The following PALD1 variants were observed in gnomAD, a reference collection of about 807,000 sequenced individuals.
The protein encoded by PALD1 is phosphatase domain containing paladin 1, also known as paladin.
In PALD1, 57 loss-of-function variants were observed where a neutral mutation model predicts 96.0. The observed-to-expected ratio is 0.59, with a 90% CI of 0.48 to 0.74. PALD1 has a LOEUF of 0.74. Ranked by LOEUF, PALD1 falls within the 30% of genes least tolerant of loss-of-function variation. The pLI, the probability that PALD1 is intolerant of heterozygous loss-of-function variation, is 0.00. For synonymous variants in PALD1, 464 were observed against 473.6 expected (o/e 0.98, Z 0.26); for missense variants, 1,063 against 1,143.7 (o/e 0.93, Z 1.02).
chr10:70,562,781 C>T (rs1474762688), intron 18 of PALD1, among the ~76,000 whole-genome samples: 1 of 151,684 alleles, frequency 6.6e-6, no homozygotes, highest in African/African-American at 2.4e-5. Context: ...GGGTGGGTGA[C>T]ATGTCTGTGA....
the PALD1 span, among the ~76,000 whole-genome samples, chr10:70,460,166 T>C: frequency 6.6e-6 from 1 of 152,124 alleles, no homozygotes; most frequent in Non-Finnish European, 1.5e-5. Context: ...CCTCTTTGTC[T>C]TCTGAGCCTC....
intron 1 of PALD1, among the ~76,000 whole-genome samples, chr10:70,508,784 C>CGTGTGAGTGTGT (rs1846447174): frequency 1.0e-5 from 1 of 100,034 alleles, no homozygotes; most frequent in Non-Finnish European, 2.1e-5. Context: ...CTCTGTATGG[C>CGTGTGAGTGTGT]GTGTGTGTGT....
chr10:70,542,174 C>T (rs1174909222), intron 17 of PALD1, among the ~76,000 whole-genome samples: 2 of 152,256 alleles, frequency 1.3e-5, no homozygotes, highest in Non-Finnish European at 2.9e-5. Context: ...CGCCATGCAG[C>T]ACCTCACACT....
intron 6 of PALD1, 27 bp from the exon 7 acceptor site, chr10:70,532,968 T>G: frequency 6.4e-7 from 1 of 1,562,970 alleles, no homozygotes; most frequent in African/African-American, 1.4e-5. Context: ...GGTGCCTGCC[T>G]GATGGCTGCT....
chr10:70,480,920 ATGG>A (rs1845919869), intron 1 of PALD1, among the ~76,000 whole-genome samples: 1 of 152,134 alleles, frequency 6.6e-6, no homozygotes, highest in Admixed American at 6.6e-5. Context: ...ACACAGGAGG[ATGG>A]TGGGGGTGAG....
intron 17 of PALD1, among the ~76,000 whole-genome samples, chr10:70,541,763 C>T (rs1340208394): frequency 6.6e-6 from 1 of 152,170 alleles, no homozygotes; most frequent in African/African-American, 2.4e-5. Flanking sequence ...GGGCTGGACC[C>T]CTCCCTGCCC....
At chr10:70,490,600 G>C (rs1231715159) in intron 1 of PALD1, among the ~76,000 whole-genome samples, 1 of 152,166 alleles carries the variant, frequency 6.6e-6, no homozygotes, top group African/African-American at 2.4e-5. Flanking sequence ...GGAAATAGTA[G>C]TAAAACCAGA....
chr10:70,530,161 T>G, intron 4 of PALD1, 93 bp downstream of exon 4: 1 of 1,048,712 alleles, frequency 9.5e-7, no homozygotes, highest in South Asian at 1.7e-5. Flanking sequence ...TGGAGGGGCC[T>G]GCTGCATGCT....
At chr10:70,517,965 G>A (rs1484289066) in intron 1 of PALD1, among the ~76,000 whole-genome samples, 3 of 151,964 alleles carry the variant, frequency 2.0e-5, no homozygotes, top group Non-Finnish European at 2.9e-5. Flanking sequence ...GTGCAATGGC[G>A]CAATCTCGGC....
chr10:70,472,749 G>A, the PALD1 span, among the ~76,000 whole-genome samples: 11 of 152,116 alleles, frequency 7.2e-5, no homozygotes, highest in South Asian at 1.0e-3. Context: ...CTTTCTGACG[G>A]CAGTAGTGGT....
At chr10:70,501,073 T>C (rs1054322866) in intron 1 of PALD1, among the ~76,000 whole-genome samples, 9 of 152,124 alleles carry the variant, frequency 5.9e-5, no homozygotes, top group African/African-American at 2.2e-4. Flanking sequence ...GGATAAGCCA[T>C]CCCACCTTTC....
At chr10:70,487,912 C>T (rs995661640) in intron 1 of PALD1, among the ~76,000 whole-genome samples, 7 of 152,230 alleles carry the variant, frequency 4.6e-5, no homozygotes, top group Admixed American at 4.6e-4. Context: ...GCCCACTCAT[C>T]TACTTTCTGT....
chr10:70,482,276 C>T (rs374972943), intron 1 of PALD1, among the ~76,000 whole-genome samples: 33 of 152,206 alleles, frequency 2.2e-4, no homozygotes, highest in African/African-American at 7.2e-4. Context: ...GCTGGGCGGG[C>T]GTATGGAAGC....
chr10:70,531,463 C>T lies in PALD1; in HGVS notation c.633+9C>T. 1 of 1,609,572 alleles carries T rather than the reference C, an allele frequency of 6.2e-7. No individual in the cohort carries two copies. ...TGGCCATCCGGAAAGAGGTGAGGAC[C>T]AGTGCGGTGTGCGGGAGACCCCAGC... On this transcript the variant is annotated intron_variant, in intron 5 of 19. Transcript: ENST00000263563.
intron 17 of PALD1, among the ~76,000 whole-genome samples, chr10:70,544,543 G>T (rs554661142): frequency 6.6e-6 from 1 of 152,190 alleles, no homozygotes; most frequent in Admixed American, 6.5e-5. Flanking sequence ...GAGCAGCCCA[G>T]TCCTCATTGG....
the PALD1 span, among the ~76,000 whole-genome samples, chr10:70,462,880 C>T: frequency 1.3e-5 from 2 of 152,236 alleles, no homozygotes; most frequent in African/African-American, 2.4e-5. Flanking sequence ...TCCGTGGCCA[C>T]ACCCAGGAGC....
chr10:70,554,106 G>A (rs1847541131), intron 18 of PALD1, among the ~76,000 whole-genome samples: 1 of 152,228 alleles, frequency 6.6e-6, no homozygotes, highest in African/African-American at 2.4e-5. Context: ...TCCTGCATGT[G>A]AAGGGGCCAG....
Position 70,533,892 on chromosome 10 carries a change from C to T in PALD1, c.871-30C>T, listed in dbSNP as rs376783457. The T allele has an allele frequency of 7.8e-6, 12 of 1,541,774 alleles. No homozygotes were observed. In the South Asian group the frequency reaches 9.9e-5, roughly 13 times the overall value. ...CTCAGCCCAGGGTTTCCTGGTCTCA[C>T]TGGGGCCTGATCCTCATGGTCTTTC... On this transcript the variant is annotated intron_variant, in intron 7 of 19. Transcript: ENST00000263563.
intron 1 of PALD1, among the ~76,000 whole-genome samples, chr10:70,487,656 TACTC>T: frequency 6.6e-6 from 1 of 151,766 alleles, no homozygotes; most frequent in Non-Finnish European, 1.5e-5. Context: ...ATTAAGCAGT[TACTC>T]ACCATTCCCT....
Sources: allele counts gnomAD v4.1 joint callset (sites outside exome capture counted in the v4.1 genomes callset), GRCh38; gene constraint gnomAD v4.1.1; transcripts MANE v1.5; gene names NCBI Gene and HGNC (gene_info 2026-07-23, HGNC 2026-07-21).